DCX: variants seen among roughly 807,000 people sequenced by gnomAD.
The protein encoded by DCX is doublecortin.
In DCX, 4 loss-of-function variants were observed where a neutral mutation model predicts 20.9. The ratio of observed to expected loss-of-function variants is 0.19; its 90% confidence interval spans 0.09 to 0.44. DCX has a LOEUF of 0.44. DCX is among the 20% of genes least tolerant of loss of function. DCX has a pLI of 0.99. For missense variants in DCX, 133 were observed against 296.9 expected, an observed-to-expected ratio of 0.45 and a Z score of 4.06; for synonymous variants, 103 against 111.4, an observed-to-expected ratio of 0.92 and a Z score of 0.47.
At chrX:111,373,444 G>A (rs1925269119) in intron 3 of DCX, among the ~76,000 whole-genome samples, 1 of 112,120 alleles carries the variant, frequency 8.9e-6, no homozygotes, top group Admixed American at 9.5e-5. Flanking sequence ...TCAACCTAGA[G>A]ATTCAAGTAT....
intron 3 of DCX, among the ~76,000 whole-genome samples, chrX:111,389,465 C>T (rs1926771178): frequency 9.0e-6 from 1 of 111,665 alleles, no homozygotes; most frequent in African/African-American, 3.3e-5. Context: ...TATCTCTAGC[C>T]AAGACCTCTC....
At chrX:111,337,607 T>C in intron 3 of DCX, among the ~76,000 whole-genome samples, 1 of 112,208 alleles carries the variant, frequency 8.9e-6, no homozygotes, top group East Asian at 2.8e-4. Context: ...TCCATCCACA[T>C]ATTATAGATG....
chrX:111,371,905 T>C (rs1266438712), intron 3 of DCX, among the ~76,000 whole-genome samples: 1 of 99,073 alleles, frequency 1.0e-5, no homozygotes, highest in Non-Finnish European at 2.0e-5. Flanking sequence ...TTGTATTATA[T>C]ATATACAGTA....
At chrX:111,362,546 G>A (rs1924290700) in intron 3 of DCX, among the ~76,000 whole-genome samples, 3 of 111,498 alleles carry the variant, frequency 2.7e-5, no homozygotes. Context: ...ATCTGTCTTG[G>A]AGAAGACAGT....
intron 5 of DCX, among the ~76,000 whole-genome samples, chrX:111,314,759 T>C (rs912407051): frequency 1.8e-5 from 2 of 111,919 alleles, no homozygotes; most frequent in Non-Finnish European, 3.8e-5. Flanking sequence ...ATCATTCCCA[T>C]AACAACACAT....
At chrX:111,344,250 GA>G (rs935534582) in intron 3 of DCX, among the ~76,000 whole-genome samples, 2 of 111,701 alleles carry the variant, frequency 1.8e-5, no homozygotes, top group African/African-American at 6.5e-5. Context: ...AAAATAGTGA[GA>G]ACAATTTATA....
At position 111,339,581 on chromosome X, in the gene DCX, C is replaced by G. The variant is rs186525613; in HGVS notation, c.706-6428G>C. ...AAATTATGTTTCTTTATATATTACC[C>G]AGCTTCAGGTAATCTGTTATAAACA... On this transcript the variant is annotated intron_variant, in intron 3 of 6. Coordinates refer to ENST00000636035, the MANE Select transcript of DCX (RefSeq NM_001195553.2). Among the ~76,000 whole-genome samples, 399 of 111,767 alleles carry G rather than the reference C, an allele frequency of 3.6e-3. 3 individuals are homozygous for G. The highest frequency in any genetic ancestry group is 0.012 in the African/African-American group (378 of 30,745).
At chrX:111,387,796 A>C (rs1926636992) in intron 3 of DCX, among the ~76,000 whole-genome samples, 2 of 111,861 alleles carry the variant, frequency 1.8e-5, no homozygotes, top group African/African-American at 3.2e-5. Flanking sequence ...AGAGACTTAG[A>C]GAGGTGCTGG....
chrX:111,388,063 T>C (rs923734656), intron 3 of DCX, among the ~76,000 whole-genome samples: 17 of 112,011 alleles, frequency 1.5e-4, no homozygotes, highest in African/African-American at 5.2e-4. Context: ...AAATCTATTG[T>C]GAAGGTTCTA....
chrX:111,337,609 T>C (rs971962341), intron 3 of DCX, among the ~76,000 whole-genome samples: 1 of 112,193 alleles, frequency 8.9e-6, no homozygotes, highest in African/African-American at 3.2e-5. Flanking sequence ...CATCCACATA[T>C]TATAGATGCT....
intron 3 of DCX, among the ~76,000 whole-genome samples, chrX:111,379,791 T>G (rs1252526704): frequency 8.9e-6 from 1 of 112,044 alleles, no homozygotes; most frequent in African/African-American, 3.2e-5. Context: ...CCAAAGTGGC[T>G]GCACCATTTT....
chrX:111,377,739 T>C (rs1157029024), intron 3 of DCX, among the ~76,000 whole-genome samples: 1 of 111,257 alleles, frequency 9.0e-6, no homozygotes, highest in Non-Finnish European at 1.9e-5. Context: ...TCAATGTACA[T>C]TGTCAATGAT....
At chrX:111,348,275 AC>A (rs1413868913) in intron 3 of DCX, among the ~76,000 whole-genome samples, 1 of 112,075 alleles carries the variant, frequency 8.9e-6, no homozygotes, top group African/African-American at 3.2e-5. Flanking sequence ...GCATGAAAAT[AC>A]CAGTGGTATG....
At chrX:111,357,274 T>C (rs745702649) in intron 3 of DCX, among the ~76,000 whole-genome samples, 2 of 111,801 alleles carry the variant, frequency 1.8e-5, no homozygotes, top group South Asian at 7.6e-4. Context: ...AGTAACTATG[T>C]AACCTTGGTA....
At chrX:111,328,811 C>T (rs2095105727) in intron 5 of DCX, among the ~76,000 whole-genome samples, 1 of 111,044 alleles carries the variant, frequency 9.0e-6, no homozygotes, top group Non-Finnish European at 1.9e-5. Context: ...GATCCTACAG[C>T]CCCAGTTGAG....
intron 3 of DCX, among the ~76,000 whole-genome samples, chrX:111,361,830 T>C (rs1474062172): frequency 1.8e-5 from 2 of 111,799 alleles, no homozygotes; most frequent in Admixed American, 1.9e-4. Flanking sequence ...AGCATGAAAA[T>C]GAAATTAGTG....
intron 3 of DCX, among the ~76,000 whole-genome samples, chrX:111,368,901 T>TATATATACACAC (rs1467693516): frequency 3.0e-4 from 29 of 98,280 alleles, no homozygotes; most frequent in African/African-American, 1.0e-3. Flanking sequence ...TATATATACA[T>TATATATACACAC]ACACACACAC....
At chrX:111,395,745 T>C (rs951573455) in intron 3 of DCX, among the ~76,000 whole-genome samples, 1 of 112,266 alleles carries the variant, frequency 8.9e-6, no homozygotes, top group Middle Eastern at 4.2e-3. Context: ...CTTGATCTTC[T>C]CAAGTGAAGG....
chrX:111,338,237 G>A (rs993435484), intron 3 of DCX, among the ~76,000 whole-genome samples: 3 of 111,933 alleles, frequency 2.7e-5, no homozygotes, highest in African/African-American at 9.8e-5. Context: ...AAAACATAGA[G>A]TTATCTATTG....
Sources: allele counts gnomAD v4.1 joint callset (sites outside exome capture counted in the v4.1 genomes callset), GRCh38; gene constraint gnomAD v4.1.1; transcripts MANE v1.5; gene names NCBI Gene and HGNC (gene_info 2026-07-23, HGNC 2026-07-21).